DISP3: variants seen among roughly 807,000 people sequenced by gnomAD.
DISP3 encodes protein dispatched homolog 3.
A neutral mutation model predicts 135.3 loss-of-function variants in DISP3; 101 were observed. The observed-to-expected ratio is 0.75, with a 90% CI of 0.64 to 0.88. DISP3 has a LOEUF of 0.88. Ranked by LOEUF, DISP3 falls within the 40% of genes least tolerant of loss-of-function variation. The probability of loss-of-function intolerance (pLI) is 0.00; values close to 1 mark genes in which losing one functional copy is unlikely to be tolerated. For synonymous variants in DISP3, 856 were observed against 817.0 expected (o/e 1.05, Z -0.81); for missense variants, 1,713 against 1,878.6 (o/e 0.91, Z 1.63).
intron 1 of DISP3, among the ~76,000 whole-genome samples, chr1:11,496,540 A>G (rs10864513): frequency 0.48 from 73,702 of 152,128 alleles, 19,729 homozygotes; most frequent in East Asian, 0.73. Context: ...GACAGCTACT[A>G]CAGGAACCAC....
chr1:11,495,994 C>G (rs1166764059), intron 1 of DISP3, among the ~76,000 whole-genome samples: 1 of 152,176 alleles, frequency 6.6e-6, no homozygotes. Context: ...AAGGATATAC[C>G]TGATCATTGC....
At chr1:11,517,928 C>A (rs1329426838) in intron 7 of DISP3, among the ~76,000 whole-genome samples, 2 of 152,176 alleles carry the variant, frequency 1.3e-5, no homozygotes, top group Non-Finnish European at 1.5e-5. Flanking sequence ...TTTTCAAGGT[C>A]ACCTATTTAG....
At position 11,519,830 on chromosome 1, in the gene DISP3, T is replaced by C. The variant is rs1642129470; in HGVS notation, c.2150T>C (p.Leu717Pro). The C allele has an allele frequency of 6.2e-7, 1 of 1,612,540 alleles. No homozygotes were observed. The highest frequency in any genetic ancestry group is 8.5e-7 in the Non-Finnish European group (1 of 1,179,962). ...GHLIVQLQEL[L>P]HHWVLWSAVK... is the part of the protein sequence containing the mutation. The stretch of plus-strand genomic sequence containing the variant: ...CTCATCGTGCAGCTGCAGGAGCTGC[T>C]GCACCACTGGGTCCTGTGGTCAGCC... The change falls in exon 9 of 21, where the codon CTG becomes CCG. Residue 717 changes from leucine to proline, a missense_variant. Leu to Pro is a moderately conservative substitution (Grantham distance 98). Around this residue, in one of 2 missense-constraint regions of DISP3, gnomAD observed 1,142 missense variants for 1,384.6 expected, o/e 0.82. Coordinates refer to ENST00000294484, the MANE Select transcript of DISP3 (RefSeq NM_020780.2). This position sits in a 1 kb window ranked among gnomAD's most constrained non-coding sequence, Gnocchi z 4.3.
chr1:11,498,311 C>T (rs771471184), intron 1 of DISP3, among the ~76,000 whole-genome samples: 9 of 152,164 alleles, frequency 5.9e-5, no homozygotes, highest in East Asian at 1.9e-4. Flanking sequence ...ACTCAATGAC[C>T]GGGGGCTGGA....
rs2100509588 is a variant in DISP3 at position 11,529,648 on chromosome 1, G to A, written c.2891G>A (p.Gly964Glu). 1 of 1,608,936 alleles carries A rather than the reference G, an allele frequency of 6.2e-7. No individual in the cohort carries two copies. Among genetic ancestry groups the A allele is most frequent in the South Asian group, 1.1e-5 (1 of 90,998 alleles). ...PGCLLSSSPD[G>E]PTKGFFFVPS... ...TGCCTGCTTAGCTCCAGCCCCGATG[G>A]GCCTACCAAAGGCTTCTTCTTCGTG... Residue 964 changes from glycine (G) to glutamate (E), a missense_variant, in exon 14 of 21, where the codon GGG becomes GAG. Physicochemically the swap from Gly to Glu is moderately conservative, Grantham distance 98. This residue lies in a region of DISP3 where 1,142 missense variants were observed against 1,384.6 expected (regional missense o/e 0.82). Transcript: ENST00000294484. The surrounding 1 kb of genome is among the most constrained non-coding windows in gnomAD (Gnocchi z 4.7).
At chr1:11,489,618 C>G (rs1641128928) in intron 1 of DISP3, among the ~76,000 whole-genome samples, 2 of 152,210 alleles carry the variant, frequency 1.3e-5, no homozygotes, top group Non-Finnish European at 1.5e-5. Flanking sequence ...GATTCTCTGA[C>G]TGAGAATCAG....
Position 11,516,415 on chromosome 1 carries a change from C to T in DISP3, c.1749+254C>T. Among the ~76,000 whole-genome samples, 1 of 152,204 alleles carries T rather than the reference C, an allele frequency of 6.6e-6. No individual in the cohort carries two copies. The highest frequency in any genetic ancestry group is 1.9e-4 in the East Asian group (1 of 5,198). ...GTAATCCAGCCTCCACCCTGGAGGA[C>T]ATTTGGCAGTTTCCAAAGCTCTTTC... is the stretch of plus-strand genomic sequence containing the variant. On this transcript the variant is annotated intron_variant, in intron 6 of 20. Coordinates refer to ENST00000294484, the MANE Select transcript of DISP3 (RefSeq NM_020780.2). This position sits in a 1 kb window ranked among gnomAD's most constrained non-coding sequence, Gnocchi z 5.1.
intron 7 of DISP3, among the ~76,000 whole-genome samples, chr1:11,518,233 G>T (rs1557610960): frequency 6.6e-6 from 1 of 152,174 alleles, no homozygotes; most frequent in Admixed American, 6.5e-5. Flanking sequence ...TTGTGATAAA[G>T]GCCTTGGTCA....
intron 10 of DISP3, among the ~76,000 whole-genome samples, chr1:11,521,939 C>G (rs1167928144): frequency 6.6e-6 from 1 of 152,056 alleles, no homozygotes; most frequent in Non-Finnish European, 1.5e-5. Flanking sequence ...TGGAGGTGGA[C>G]TAGGGCACTG....
chr1:11,489,337 C>T lies in DISP3; in HGVS notation c.-4+9965C>T, dbSNP rs1438837808. ...CTGGACCCACAGATTGTGGTCTGGGCGGGCTGGGGCTGTAGGAGGGATTGC... is the reference window on the plus strand; with the variant it reads ...CTGGACCCACAGATTGTGGTCTGGGTGGGCTGGGGCTGTAGGAGGGATTGC... On this transcript the variant is annotated intron_variant, in intron 1 of 20. Transcript: ENST00000294484. Among the ~76,000 whole-genome samples the T allele has an allele frequency of 2.0e-5, 3 of 152,326 alleles. No individual in the cohort carries two copies. The East Asian group carries it at 5.8e-4, about 29-fold the overall frequency.
chr1:11,486,926 G>T (rs990652832), intron 1 of DISP3, among the ~76,000 whole-genome samples: 2 of 152,212 alleles, frequency 1.3e-5, no homozygotes, highest in Non-Finnish European at 2.9e-5. Flanking sequence ...TGATCTGCCT[G>T]CCTTGGCCTC....
chr1:11,514,547 G>A, intron 4 of DISP3, 21 bp downstream of exon 4: 1 of 1,608,322 alleles, frequency 6.2e-7, no homozygotes, highest in East Asian at 2.2e-5. Flanking sequence ...TCTCAAGCCA[G>A]CCCCCTCCTC....
intron 1 of DISP3, among the ~76,000 whole-genome samples, chr1:11,484,121 C>A (rs1211314154): frequency 6.6e-6 from 1 of 152,190 alleles, no homozygotes; most frequent in Non-Finnish European, 1.5e-5. Flanking sequence ...TCCGCTGCAC[C>A]CCCTCTGACA....
At chr1:11,528,041 G>A (rs532845203) in intron 13 of DISP3, among the ~76,000 whole-genome samples, 2 of 152,332 alleles carry the variant, frequency 1.3e-5, no homozygotes, top group South Asian at 2.1e-4. Context: ...CACCTGTCAC[G>A]GGTGTCTGGC....
At position 11,529,660 on chromosome 1, in the gene DISP3, G is replaced by T. The variant is rs574258680; in HGVS notation, c.2903G>T (p.Gly968Val). ...TCCAGCCCCGATGGGCCTACCAAAG[G>T]CTTCTTCTTCGTGCCTAGTGAGAAA... Reference protein sequence around the residue: ...LSSSPDGPTKGFFFVPSEKVP... With the variant: ...LSSSPDGPTKVFFFVPSEKVP... The change falls in exon 14 of 21, where the codon GGC becomes GTC. Residue 968 changes from glycine to valine, a missense_variant. Around this residue, in one of 2 missense-constraint regions of DISP3, gnomAD observed 1,142 missense variants for 1,384.6 expected, o/e 0.82. Transcript: ENST00000294484. This position sits in a 1 kb window ranked among gnomAD's most constrained non-coding sequence, Gnocchi z 4.7. The T allele has an allele frequency of 1.2e-6, 2 of 1,607,878 alleles. No individual in the cohort carries two copies. The highest frequency in any genetic ancestry group is 1.7e-5 in the Admixed American group (1 of 59,862).
chr1:11,531,140 G>A lies in DISP3; in HGVS notation c.3229+107G>A. ...CAGCCCGAAGGACAGTGTCTGGCAT[G>A]TGGGGGTCTTTTGCAGATGTGTATC... On this transcript the variant is annotated intron_variant, in intron 16 of 20. Transcript: ENST00000294484. The surrounding 1 kb of genome is among the most constrained non-coding windows in gnomAD (Gnocchi z 5.2). 1 of 1,521,672 alleles carries A rather than the reference G, an allele frequency of 6.6e-7. No homozygotes were observed. The highest frequency in any genetic ancestry group is 8.9e-7 in the Non-Finnish European group (1 of 1,127,532). The allele number at this position is 1,521,672 out of a possible 1,614,324, so 94.3% of individuals were successfully genotyped here.
Position 11,502,839 on chromosome 1 carries a change from G to A in DISP3, c.1258G>A (p.Ala420Thr). The change falls in exon 3 of 21, where the codon GCT (alanine) becomes ACT (threonine). Residue 420 changes from alanine to threonine, a missense_variant. Physicochemically the swap from Ala to Thr is moderately conservative, Grantham distance 58. Around this residue, in one of 2 missense-constraint regions of DISP3, gnomAD observed 1,142 missense variants for 1,384.6 expected, o/e 0.82. Transcript: ENST00000294484. ...AGATGACCGCTGGGAGGAACAACGG[G>A]CTAAGTTTCAGAGCTTCGTGGTCAC... is the stretch of plus-strand genomic sequence containing the variant. ...SVDDRWEEQR[A>T]KFQSFVVTYV... 1 of 1,614,204 alleles carries A rather than the reference G, an allele frequency of 6.2e-7. No homozygotes were observed. Among genetic ancestry groups the A allele is most frequent in the Non-Finnish European group, 8.5e-7 (1 of 1,180,044 alleles).
In DISP3 at chr1:11,491,753, G is replaced by C. The variant is rs1469362252; in HGVS notation, c.-3-9237G>C. Among the ~76,000 whole-genome samples the C allele has an allele frequency of 4.6e-5, 7 of 152,202 alleles. No individual in the cohort carries two copies. Among genetic ancestry groups the C allele is most frequent in the Non-Finnish European group, 1.0e-4 (7 of 68,032 alleles). On this transcript the variant is annotated intron_variant, in intron 1 of 20. Coordinates refer to ENST00000294484, the MANE Select transcript of DISP3 (RefSeq NM_020780.2). This position sits in a 1 kb window ranked among gnomAD's most constrained non-coding sequence, Gnocchi z 4.3. ...AAAGTCCAAGGATCTTTGGGGCAGA[G>C]AATAAGGGAGTCCGCTCCAGTTGAC...
At chr1:11,525,571 T>A (rs553749149) in intron 12 of DISP3, among the ~76,000 whole-genome samples, 1 of 152,240 alleles carries the variant, frequency 6.6e-6, no homozygotes, top group Non-Finnish European at 1.5e-5. Flanking sequence ...GATTACTTAC[T>A]CTCTGAGCCT....
Sources: gnomAD v4.1 joint callset for allele counts (sites outside exome capture counted in the v4.1 genomes callset) on GRCh38, gnomAD v4.1.1 for gene constraint, gnomAD v4.1.1 regional missense constraint, Gnocchi (gnomAD v3.1) non-coding constraint, MANE v1.5 for transcripts, NCBI Gene and HGNC (gene_info 2026-07-23, HGNC 2026-07-21) for gene names.